Variants in PCDHGA1 observed in about 807,000 individuals in gnomAD.
PCDHGA1 encodes protocadherin gamma-A1.
Under a neutral mutation model 58.0 loss-of-function variants are expected in PCDHGA1, and 32 were observed. The ratio of observed to expected loss-of-function variants is 0.55; its 90% confidence interval spans 0.42 to 0.74. PCDHGA1 has a LOEUF of 0.74. Ranked by LOEUF, PCDHGA1 falls within the 30% of genes least tolerant of loss-of-function variation. PCDHGA1 has a pLI of 0.00. For synonymous variants in PCDHGA1, 498 were observed against 501.1 expected, an observed-to-expected ratio of 0.99 and a Z score of 0.08; for missense variants, 1,205 against 1,182.3, an observed-to-expected ratio of 1.02 and a Z score of -0.28.
intron 1 of PCDHGA1, chr5:141,418,939 C>G: frequency 6.2e-7 from 1 of 1,613,760 alleles, no homozygotes; most frequent in Non-Finnish European, 8.5e-7. Context: ...TGGAGGATTC[C>G]CCTCCAGGAG....
intron 1 of PCDHGA1, among the ~76,000 whole-genome samples, chr5:141,353,530 G>T (rs1428262887): frequency 6.6e-6 from 1 of 151,992 alleles, no homozygotes; most frequent in East Asian, 1.9e-4. Context: ...TTTTATATTT[G>T]CATCACTAAC....
At chr5:141,440,115 A>G (rs921555018) in intron 1 of PCDHGA1, 4 of 152,250 alleles carry the variant, frequency 2.6e-5, no homozygotes, top group African/African-American at 4.8e-5. Flanking sequence ...TTACTTGTGA[A>G]TGACTGAATG....
chr5:141,426,766 T>C (rs2096958771), intron 1 of PCDHGA1: 1 of 456,532 alleles, frequency 2.2e-6, no homozygotes, highest in South Asian at 1.5e-5. Flanking sequence ...GATGCAGATG[T>C]AGGGCCTCAC....
In PCDHGA1 at chr5:141,332,916, C is replaced by A. The variant is rs553517087; in HGVS notation, c.2232C>A (p.Asp744Glu). The change falls in exon 1 of 4, where the codon GAC becomes GAA. Residue 744 changes from aspartate (D) to glutamate (E), a missense_variant. Transcript: ENST00000517417. The surrounding 1 kb of genome is among the most constrained non-coding windows in gnomAD (Gnocchi z 4.6). ...CCGGTTCGCACTTTGTGGGCGTGGA[C>A]GGGGTTCGGGCTTTCCTGCAGACCT... ...SMPGSHFVGV[D>E]GVRAFLQTYS... 2.0e-5 allele frequency: 33 copies of A among 1,614,174 alleles called. 1 individual carries two copies. Among genetic ancestry groups the A allele is most frequent in the South Asian group, 1.4e-4 (13 of 91,082 alleles).
intron 1 of PCDHGA1, chr5:141,408,159 C>T (rs1408291996): frequency 3.9e-5 from 59 of 1,516,228 alleles, no homozygotes; most frequent in Non-Finnish European, 5.2e-5. Context: ...AGTGCACTTT[C>T]TCCAACTGGA....
At chr5:141,344,732 G>C in intron 1 of PCDHGA1, 1 of 1,613,952 alleles carries the variant, frequency 6.2e-7, no homozygotes, top group Non-Finnish European at 8.5e-7. Context: ...TGATAGTCCT[G>C]GATGCAAATG....
chr5:141,348,477 C>T (rs1007574587), intron 1 of PCDHGA1, among the ~76,000 whole-genome samples: 6 of 151,942 alleles, frequency 3.9e-5, no homozygotes, highest in Non-Finnish European at 8.8e-5. Context: ...TATCACTTTC[C>T]CTGTAAGGAG....
rs907427230 is a variant in PCDHGA1, at chr5:141,489,936, G to A, written c.2422-4871G>A. 4 of 1,614,096 alleles carry A rather than the reference G, an allele frequency of 2.5e-6. No homozygotes were observed. In the African/African-American group the frequency reaches 5.3e-5, roughly 22 times the overall value. ...GGACCACCCTTATCTCTGTCATCGT[G>A]CTGGACATCAATGATAATGCTCCAA... is the stretch of plus-strand genomic sequence containing the variant. On this transcript the variant is annotated intron_variant, in intron 1 of 3. Coordinates refer to ENST00000517417, the MANE Select transcript of PCDHGA1 (RefSeq NM_018912.3). This position sits in a 1 kb window ranked among gnomAD's most constrained non-coding sequence, Gnocchi z 4.5.
At chr5:141,382,637 G>A (rs993305735) in intron 1 of PCDHGA1, 3 of 381,072 alleles carry the variant, frequency 7.9e-6, no homozygotes, top group African/African-American at 2.1e-5. Context: ...TCAATGTGGT[G>A]CAGTAACTTA....
At position 141,491,904 on chromosome 5, in the gene PCDHGA1, G is replaced by C; in HGVS notation, c.2422-2903G>C. The C allele has an allele frequency of 7.0e-7, 1 of 1,423,838 alleles. No individual in the cohort carries two copies. The allele number at this position is 1,423,838 out of a possible 1,614,324, so 88.2% of individuals were successfully genotyped here. ...GGATGGGGCTCCGAGCACCGGGGGT[G>C]GTGGCGACTGTGGGCGAGGGGAGGT... On this transcript the variant is annotated intron_variant, in intron 1 of 3. Coordinates refer to ENST00000517417, the MANE Select transcript of PCDHGA1 (RefSeq NM_018912.3). This position sits in a 1 kb window ranked among gnomAD's most constrained non-coding sequence, Gnocchi z 6.9.
At chr5:141,351,815 G>C in intron 1 of PCDHGA1, 1 of 1,613,234 alleles carries the variant, frequency 6.2e-7, no homozygotes, top group Non-Finnish European at 8.5e-7. Context: ...CTTCGACCAC[G>C]AGCAGCTGCG....
chr5:141,395,391 A>G, intron 1 of PCDHGA1: 2 of 944,730 alleles, frequency 2.1e-6, no homozygotes, highest in Non-Finnish European at 3.1e-6. Flanking sequence ...ATAAAATTGA[A>G]CTCTAATAGT....
chr5:141,358,336 A>G (rs1207700100), intron 1 of PCDHGA1, among the ~76,000 whole-genome samples: 1 of 152,206 alleles, frequency 6.6e-6, no homozygotes, highest in African/African-American at 2.4e-5. Context: ...CTATTGTTGG[A>G]TCTGGACTGA....
chr5:141,451,579 A>G (rs1222576609), intron 1 of PCDHGA1, among the ~76,000 whole-genome samples: 1 of 152,084 alleles, frequency 6.6e-6, no homozygotes, highest in Non-Finnish European at 1.5e-5. Flanking sequence ...TTATAAACCT[A>G]ATTTTGAAAG....
chr5:141,476,831 G>C lies in PCDHGA1; in HGVS notation c.2422-17976G>C, dbSNP rs779348525. ...TCACATCAAGGTGCTGGACGCGAAT[G>C]ACAATGCGCCTGTCTTCAACCAGTC... On this transcript the variant is annotated intron_variant, in intron 1 of 3. Transcript: ENST00000517417. This position sits in a 1 kb window ranked among gnomAD's most constrained non-coding sequence, Gnocchi z 7.6. 1 of 1,613,504 alleles carries C rather than the reference G, an allele frequency of 6.2e-7. No homozygotes were observed. Among genetic ancestry groups the C allele is most frequent in the Non-Finnish European group, 8.5e-7 (1 of 1,180,050 alleles).
chr5:141,427,817 G>A, intron 1 of PCDHGA1: 2 of 1,528,134 alleles, frequency 1.3e-6, no homozygotes, highest in Non-Finnish European at 1.8e-6. Flanking sequence ...AGAGCGGGGT[G>A]GTGGTCGCGC....
intron 1 of PCDHGA1, chr5:141,478,282 G>A: frequency 6.2e-7 from 1 of 1,614,184 alleles, no homozygotes; most frequent in Non-Finnish European, 8.5e-7. Flanking sequence ...AGTGGAAGCA[G>A]TCTAGAGACC....
At chr5:141,372,292 G>T in intron 1 of PCDHGA1, 1 of 1,613,282 alleles carries the variant, frequency 6.2e-7, no homozygotes, top group Non-Finnish European at 8.5e-7. Context: ...CGTACCTTGG[G>T]CGACAGGGAG....
chr5:141,460,587 T>C (rs1461971599), intron 1 of PCDHGA1, among the ~76,000 whole-genome samples: 1 of 152,170 alleles, frequency 6.6e-6, no homozygotes, highest in Non-Finnish European at 1.5e-5. Flanking sequence ...TGTGGGTTTT[T>C]TCTGGGCTCT....
Sources: allele counts gnomAD v4.1 joint callset (sites outside exome capture counted in the v4.1 genomes callset), GRCh38; gene constraint gnomAD v4.1.1; non-coding constraint Gnocchi (gnomAD v3.1); transcripts MANE v1.5; gene names NCBI Gene and HGNC (gene_info 2026-07-23, HGNC 2026-07-21).